The following TMEM233 variants were observed in gnomAD, a reference collection of about 807,000 sequenced individuals.
TMEM233 encodes the protein dispanin subfamily B member 2.
In TMEM233, 6 loss-of-function variants were observed where a neutral mutation model predicts 11.2. That is an observed-to-expected ratio of 0.54 (90% CI 0.29 to 1.06). The LOEUF (loss-of-function observed/expected upper bound fraction) is 1.06, where lower values mean the gene tolerates loss of function less well. Among genes scored for constraint, TMEM233 ranks in the 50% least tolerant of loss-of-function variants. The pLI is 0.08. For missense variants in TMEM233, 127 were observed against 144.7 expected, an observed-to-expected ratio of 0.88 and a Z score of 0.63; for synonymous variants, 59 against 55.8, an observed-to-expected ratio of 1.06 and a Z score of -0.26.
the TMEM233 span, among the ~76,000 whole-genome samples, chr12:119,653,791 A>G: frequency 7.2e-5 from 11 of 152,218 alleles, no homozygotes; most frequent in Non-Finnish European, 1.5e-4. Flanking sequence ...ATTTAAAGAA[A>G]AAAATAAGCA....
chr12:119,651,645 C>T, the TMEM233 span, among the ~76,000 whole-genome samples: 9 of 135,878 alleles, frequency 6.6e-5, no homozygotes, highest in South Asian at 2.4e-4. Context: ...GGTGAAACCC[C>T]GTCTCTACTA....
chr12:119,602,997 G>A (rs959441913), intron 1 of TMEM233, among the ~76,000 whole-genome samples: 3 of 152,180 alleles, frequency 2.0e-5, no homozygotes, highest in Non-Finnish European at 4.4e-5. Flanking sequence ...GCTCATGCCT[G>A]TAATCCCAGC....
chr12:119,595,521 T>G lies in TMEM233; in HGVS notation c.186+1487T>G, dbSNP rs1349643856. Among the ~76,000 whole-genome samples, 2 of 152,248 alleles carry G rather than the reference T, an allele frequency of 1.3e-5. No homozygotes were observed. Among genetic ancestry groups the G allele is most frequent in the South Asian group, 2.1e-4 (1 of 4,836 alleles). On this transcript the variant is annotated intron_variant, in intron 1 of 2. Coordinates refer to ENST00000426426, the MANE Select transcript of TMEM233 (RefSeq NM_001136534.3). This position sits in a 1 kb window ranked among gnomAD's most constrained non-coding sequence, Gnocchi z 4.3. Reference sequence around the variant, plus strand: ...GCAGCCGCTGAAGTTCAGACAAGTCTGTATTCAAATCCCAATTCTCCCACT... The same window carrying G: ...GCAGCCGCTGAAGTTCAGACAAGTCGGTATTCAAATCCCAATTCTCCCACT...
chr12:119,618,732 C>T (rs1324369125), intron 1 of TMEM233, among the ~76,000 whole-genome samples: 1 of 152,166 alleles, frequency 6.6e-6, no homozygotes, highest in African/African-American at 2.4e-5. Context: ...GCCTGTACCC[C>T]CATTGTATCT....
chr12:119,614,732 C>T (rs1015245597), intron 1 of TMEM233, among the ~76,000 whole-genome samples: 2 of 152,176 alleles, frequency 1.3e-5, no homozygotes, highest in African/African-American at 4.8e-5. Flanking sequence ...GTCCCACTCT[C>T]TGAGTCTCAG....
chr12:119,652,892 C>T, the TMEM233 span, among the ~76,000 whole-genome samples: 2 of 152,152 alleles, frequency 1.3e-5, no homozygotes, highest in African/African-American at 4.8e-5. Context: ...ACAAATTAGT[C>T]AGAAAGACCA....
rs1055292605 is a variant in TMEM233, at chr12:119,630,655, G to T, written c.323+783G>T. ...ATGAGGTGTCCTCAGGCAAAGGCGGGGGAGAGGAAGACTGGAGAATCCCAC... is the reference window on the plus strand; with the variant it reads ...ATGAGGTGTCCTCAGGCAAAGGCGGTGGAGAGGAAGACTGGAGAATCCCAC... On this transcript the variant is annotated intron_variant, in intron 2 of 2. Coordinates refer to ENST00000426426, the MANE Select transcript of TMEM233 (RefSeq NM_001136534.3). Among the ~76,000 whole-genome samples, 3 of 152,210 alleles carry T rather than the reference G, an allele frequency of 2.0e-5. No homozygotes were observed. In the East Asian group the frequency reaches 5.8e-4, roughly 29 times the overall value.
the TMEM233 span, among the ~76,000 whole-genome samples, chr12:119,648,214 G>A: frequency 6.6e-6 from 1 of 152,076 alleles, no homozygotes; most frequent in Non-Finnish European, 1.5e-5. Context: ...CCTCCATGGG[G>A]TTTGCCACCA....
downstream of TMEM233, among the ~76,000 whole-genome samples, chr12:119,645,320 CA>C (rs3078450): frequency 1.7e-3 from 124 of 74,790 alleles, 3 homozygotes; most frequent in African/African-American, 2.8e-3. Flanking sequence ...CACCAATTAC[CA>C]AAAAAAAAAA....
At chr12:119,613,374 G>A (rs966606563) in intron 1 of TMEM233, among the ~76,000 whole-genome samples, 10 of 152,156 alleles carry the variant, frequency 6.6e-5, no homozygotes, top group Admixed American at 4.6e-4. Flanking sequence ...GTGCCTTCAC[G>A]GAGCTCACAG....
chr12:119,619,037 T>C (rs1300477634), intron 1 of TMEM233, among the ~76,000 whole-genome samples: 2 of 152,206 alleles, frequency 1.3e-5, no homozygotes, highest in South Asian at 2.1e-4. Context: ...AGCTGAATCA[T>C]GTGGCCAGTT....
At position 119,594,090 on chromosome 12, in the gene TMEM233, C is replaced by G; in HGVS notation, c.186+56C>G. The G allele has an allele frequency of 6.5e-7, 1 of 1,529,408 alleles. No homozygotes were observed. The highest frequency in any genetic ancestry group is 2.0e-5 in the Admixed American group (1 of 50,102). 94.7% of individuals were successfully genotyped at this position (1,529,408 alleles called of 1,614,324 possible). A position where few individuals can be genotyped will look rare whatever the true frequency, so the allele number is the denominator to read the frequency against. ...GAGGAGAGACCCGGGCGGCTTTGAG[C>G]CCCTGCAGGGGAGTCCGCGCGCTCT... On this transcript the variant is annotated intron_variant, in intron 1 of 2. Transcript: ENST00000426426. This position sits in a 1 kb window ranked among gnomAD's most constrained non-coding sequence, Gnocchi z 5.6.
chr12:119,649,015 C>T, the TMEM233 span, among the ~76,000 whole-genome samples: 2 of 152,080 alleles, frequency 1.3e-5, no homozygotes, highest in Admixed American at 6.5e-5. Context: ...GATAGAGACC[C>T]GGCTGGGCGC....
At chr12:119,605,712 A>T (rs1954267274) in intron 1 of TMEM233, among the ~76,000 whole-genome samples, 1 of 152,048 alleles carries the variant, frequency 6.6e-6, no homozygotes, top group Non-Finnish European at 1.5e-5. Flanking sequence ...TAGAGGCGTG[A>T]GCCACAACAT....
At chr12:119,636,537 T>G (rs1381523504) in intron 2 of TMEM233, among the ~76,000 whole-genome samples, 1 of 152,108 alleles carries the variant, frequency 6.6e-6, no homozygotes, top group Admixed American at 6.6e-5. Context: ...CGGCTGGTCT[T>G]GAACTCCCAG....
chr12:119,653,992 C>T, the TMEM233 span, among the ~76,000 whole-genome samples: 2 of 148,754 alleles, frequency 1.3e-5, no homozygotes, highest in African/African-American at 4.9e-5. Context: ...AAAACAAAAA[C>T]CCAATCAGGA....
intron 2 of TMEM233, among the ~76,000 whole-genome samples, chr12:119,632,344 A>C (rs1954901331): frequency 6.6e-6 from 1 of 152,126 alleles, no homozygotes; most frequent in Non-Finnish European, 1.5e-5. Context: ...TAAAACCAGG[A>C]TAGTGTCGCT....
intron 1 of TMEM233, among the ~76,000 whole-genome samples, chr12:119,609,815 G>A (rs1371600996): frequency 6.6e-6 from 1 of 152,252 alleles, no homozygotes; most frequent in African/African-American, 2.4e-5. Flanking sequence ...GTTTGCTGCA[G>A]GAGTGAAGTC....
chr12:119,626,180 A>C (rs1171187167), intron 1 of TMEM233, among the ~76,000 whole-genome samples: 1 of 152,156 alleles, frequency 6.6e-6, no homozygotes, highest in Non-Finnish European at 1.5e-5. Context: ...ATATTGAGAA[A>C]ACTACATAGG....
Sources: allele counts gnomAD v4.1 joint callset (sites outside exome capture counted in the v4.1 genomes callset), GRCh38; gene constraint gnomAD v4.1.1; non-coding constraint Gnocchi (gnomAD v3.1); transcripts MANE v1.5; gene names NCBI Gene and HGNC (gene_info 2026-07-23, HGNC 2026-07-21).